BANF2: variants seen among roughly 807,000 people sequenced by gnomAD.
BANF2 encodes the protein barrier-to-autointegration factor-like protein.
BANF2 carries 4 observed loss-of-function variants against 8.0 expected under a neutral mutation model. The observed-to-expected ratio is 0.50, with a 90% CI of 0.25 to 1.14. BANF2 has a LOEUF of 1.14. Among genes scored for constraint, BANF2 ranks in the 50% most tolerant of loss-of-function variants. The pLI is 0.16. For missense variants in BANF2, 96 were observed against 107.5 expected (o/e 0.89, Z 0.47); for synonymous variants, 50 against 40.6 (o/e 1.23, Z -0.88).
chr20:17,725,749 CAA>C, intron 3 of BANF2, among the ~76,000 whole-genome samples: 1 of 152,328 alleles, frequency 6.6e-6, no homozygotes, highest in Non-Finnish European at 1.5e-5. Context: ...AAAGACAACG[CAA>C]AGAGAGTGAG....
At chr20:17,701,561 C>T (rs575072901) in intron 1 of BANF2, among the ~76,000 whole-genome samples, 5 of 152,144 alleles carry the variant, frequency 3.3e-5, no homozygotes, top group African/African-American at 7.2e-5. Flanking sequence ...TGGAAGGGAA[C>T]GGGATTCTTG....
chr20:17,706,616 T>G (rs1326116845), intron 1 of BANF2, among the ~76,000 whole-genome samples: 1 of 152,180 alleles, frequency 6.6e-6, no homozygotes, highest in Non-Finnish European at 1.5e-5. Context: ...CCATCCGTAG[T>G]AGGGGATCCT....
chr20:17,735,784 C>T lies in BANF2; in HGVS notation c.246C>T (p.Leu82=), dbSNP rs375359590. The T allele has an allele frequency of 6.2e-7, 1 of 1,613,948 alleles. No individual in the cohort carries two copies. The highest frequency in any genetic ancestry group is 1.1e-5 in the South Asian group (1 of 91,062). Residue 82 remains leucine, a synonymous_variant, in exon 4 of 4, where the codon CTC becomes CTT. Coordinates refer to ENST00000246090, the MANE Select transcript of BANF2 (RefSeq NM_178477.5). ...ECEAQQTSHC[L]KEWCACFL ...AGGCCCAGCAGACTTCTCACTGCCT[C>T]AAGGAGTGGTGTGCCTGCTTCCTGT...
intron 3 of BANF2, among the ~76,000 whole-genome samples, chr20:17,730,741 C>T (rs1317548145): frequency 6.6e-6 from 1 of 152,204 alleles, no homozygotes; most frequent in Non-Finnish European, 1.5e-5. Context: ...ACAGCGAAGC[C>T]TCTGAAGGCT....
intron 1 of BANF2, among the ~76,000 whole-genome samples, chr20:17,718,581 A>C (rs2122613460): frequency 6.6e-6 from 1 of 152,290 alleles, no homozygotes; most frequent in Admixed American, 6.5e-5. Context: ...ATTGTATCCC[A>C]AGCCCCAAAT....
intron 3 of BANF2, chr20:17,731,476 G>A (rs2037892695): frequency 6.6e-6 from 1 of 152,168 alleles, no homozygotes; most frequent in Non-Finnish European, 1.5e-5. Flanking sequence ...GGCAGAGACA[G>A]CTTATCTCTG....
chr20:17,722,872 T>C lies in BANF2; in HGVS notation c.-10T>C, dbSNP rs559889839. 9 of 985,266 alleles carry C rather than the reference T, an allele frequency of 9.1e-6. No homozygotes were observed. In the East Asian group the frequency reaches 1.0e-3, roughly 112 times the overall value. The allele number at this position is 985,266 out of a possible 1,614,324, so 61.0% of individuals were successfully genotyped here. ...GGCGTACACGAGGAGCTCGACTCTG[T>C]AGAAAGGTCTGGAGGAGGATGGGGA... is the stretch of plus-strand genomic sequence containing the variant. On this transcript the variant is annotated 5_prime_UTR_variant, in exon 2 of 4. The change abolishes the stop of an existing upstream ORF in the 5' untranslated region. Coordinates refer to ENST00000246090, the MANE Select transcript of BANF2 (RefSeq NM_178477.5).
chr20:17,702,171 C>T (rs560748633), intron 1 of BANF2, among the ~76,000 whole-genome samples: 2 of 152,298 alleles, frequency 1.3e-5, no homozygotes, highest in Non-Finnish European at 2.9e-5. Context: ...CGCCTCCCAG[C>T]TTGTGTGAGG....
chr20:17,714,585 T>C (rs74874736), intron 1 of BANF2, among the ~76,000 whole-genome samples: 5,219 of 152,302 alleles, frequency 0.034, 303 homozygotes, highest in African/African-American at 0.12. Flanking sequence ...ATCGTTGCAG[T>C]TTGCCTTGGC....
intron 2 of BANF2, 105 bp from the exon 3 acceptor site, chr20:17,724,918 T>A: frequency 8.3e-7 from 1 of 1,200,176 alleles, no homozygotes; most frequent in Non-Finnish European, 1.2e-6. Flanking sequence ...TTCTGCCATC[T>A]GTTGCCCCAG....
intron 2 of BANF2, among the ~76,000 whole-genome samples, chr20:17,723,388 G>A (rs1244892551): frequency 1.3e-5 from 2 of 152,216 alleles, no homozygotes; most frequent in African/African-American, 4.8e-5. Flanking sequence ...TTACTTCCAC[G>A]AAGGAGTTAA....
intron 3 of BANF2, among the ~76,000 whole-genome samples, chr20:17,726,011 A>G (rs150077509): frequency 0.019 from 2,920 of 152,298 alleles, 42 homozygotes; most frequent in Non-Finnish European, 0.029. Context: ...ACTAGCTGGT[A>G]AATACTCAGA....
intron 1 of BANF2, among the ~76,000 whole-genome samples, chr20:17,715,200 C>G (rs1044546498): frequency 1.3e-5 from 2 of 152,128 alleles, no homozygotes; most frequent in Non-Finnish European, 2.9e-5. Context: ...GAAGCTGAGC[C>G]GCCACCTCCT....
chr20:17,701,646 AG>A (rs2037410543), intron 1 of BANF2, among the ~76,000 whole-genome samples: 1 of 152,212 alleles, frequency 6.6e-6, no homozygotes, highest in Non-Finnish European at 1.5e-5. Context: ...TCTGGGTGTT[AG>A]TACTTTGCCC....
At position 17,725,072 on chromosome 20, in the gene BANF2, T is replaced by C. The variant is rs564384284; in HGVS notation, c.47T>C (p.Ile16Thr). 4.4e-6 allele frequency: 7 copies of C among 1,608,584 alleles called. No homozygotes were observed. The highest frequency in any genetic ancestry group is 2.2e-5 in the East Asian group (1 of 44,848). Reference sequence around the variant, plus strand: ...CTGAGAGCCTTCCTCTCCGAACCCATTGGAGAAAAGGATGTCTGCTGGGTG... The same window carrying C: ...CTGAGAGCCTTCCTCTCCGAACCCACTGGAGAAAAGGATGTCTGCTGGGTG... The part of the protein sequence containing the change: ...PRLRAFLSEP[I>T]GEKDVCWVDG... The change falls in exon 3 of 4, where the codon ATT becomes ACT. Residue 16 changes from isoleucine (I) to threonine (T), a missense_variant. Physicochemically the swap from Ile to Thr is moderately conservative, Grantham distance 89. Coordinates refer to ENST00000246090, the MANE Select transcript of BANF2 (RefSeq NM_178477.5).
At chr20:17,700,300 C>T (rs913562732) in intron 1 of BANF2, among the ~76,000 whole-genome samples, 1 of 152,168 alleles carries the variant, frequency 6.6e-6, no homozygotes, top group East Asian at 1.9e-4. Flanking sequence ...CCCTAAGACT[C>T]GGCTTGCCAC....
intron 1 of BANF2, among the ~76,000 whole-genome samples, chr20:17,708,498 A>T (rs919702148): frequency 2.0e-5 from 3 of 152,208 alleles, no homozygotes; most frequent in African/African-American, 7.2e-5. Context: ...AGCCAGTCAC[A>T]TGGGACCCAC....
At position 17,702,386 on chromosome 20, in the gene BANF2, A is replaced by G. The variant is rs147344359; in HGVS notation, c.-167+2331A>G. Among the ~76,000 whole-genome samples, 124 of 152,344 alleles carry G rather than the reference A, an allele frequency of 8.1e-4. 3 individuals are homozygous for G. The highest frequency in any genetic ancestry group is 3.4e-3 in the Middle Eastern group (1 of 294). On this transcript the variant is annotated intron_variant, in intron 1 of 3. Transcript: ENST00000246090. Reference sequence around the variant, plus strand: ...TATACACGGACAGATGTTATGCACCAAGGAAGAAAATCTGCTAATCGAAAG... The same window carrying G: ...TATACACGGACAGATGTTATGCACCGAGGAAGAAAATCTGCTAATCGAAAG...
rs114621333 is a variant in BANF2 at position 17,729,356 on chromosome 20, C to A, written c.126+4205C>A. ...CTCACAGCCCACCTCCCCTGGGAAGCCTTCTTTCTGCCACCCCACCCAACA... is the reference window on the plus strand; with the variant it reads ...CTCACAGCCCACCTCCCCTGGGAAGACTTCTTTCTGCCACCCCACCCAACA... On this transcript the variant is annotated intron_variant, in intron 3 of 3. Transcript: ENST00000246090. Among the ~76,000 whole-genome samples, 755 of 152,294 alleles carry A rather than the reference C, an allele frequency of 5.0e-3. 6 individuals are homozygous for A. Among genetic ancestry groups the A allele is most frequent in the African/African-American group, 0.017 (726 of 41,560 alleles).
Sources: allele counts gnomAD v4.1 joint callset (sites outside exome capture counted in the v4.1 genomes callset), GRCh38; gene constraint gnomAD v4.1.1; transcripts MANE v1.5; gene names NCBI Gene and HGNC (gene_info 2026-07-23, HGNC 2026-07-21).